Variants in PSMG2 observed in about 807,000 individuals in gnomAD.
PSMG2 encodes proteasome assembly chaperone 2, also known as CD40 ligand-activated specific transcript 3.
In PSMG2, 21 loss-of-function variants were observed where a neutral mutation model predicts 31.5. That is an observed-to-expected ratio of 0.67 (90% CI 0.47 to 0.96). PSMG2 has a LOEUF of 0.96. Among genes scored for constraint, PSMG2 ranks in the 40% least tolerant of loss-of-function variants. The probability of loss-of-function intolerance (pLI) is 0.00; values close to 1 mark genes in which losing one functional copy is unlikely to be tolerated. For synonymous variants in PSMG2, 120 were observed against 110.4 expected (o/e 1.09, Z -0.54); for missense variants, 318 against 321.2 (o/e 0.99, Z 0.08).
chr18:12,678,188 C>CA, intron 1 of PSMG2: 1 of 1,614,184 alleles, frequency 6.2e-7, no homozygotes, highest in Non-Finnish European at 8.5e-7. Context: ...TGTGGATGCA[C>CA]ACAGAGGTGG....
intron 1 of PSMG2, among the ~76,000 whole-genome samples, chr18:12,704,058 A>G (rs2040233799): frequency 6.6e-6 from 1 of 152,148 alleles, no homozygotes; most frequent in Non-Finnish European, 1.5e-5. Context: ...CATTACATAT[A>G]AAACACACAG....
At chr18:12,685,253 G>C (rs1158346400) in intron 1 of PSMG2, 3 of 152,034 alleles carry the variant, frequency 2.0e-5, no homozygotes, top group Non-Finnish European at 4.4e-5. Context: ...ACCCACCTCT[G>C]CCTCCCAAAG....
chr18:12,711,462 C>A (rs983217238), intron 2 of PSMG2, among the ~76,000 whole-genome samples: 22 of 152,148 alleles, frequency 1.4e-4, no homozygotes, highest in Non-Finnish European at 2.6e-4. Flanking sequence ...TTGCCTTAGT[C>A]TCTTTTCCCT....
At chr18:12,725,371 T>C in intron 6 of PSMG2, 68 bp from the exon 7 acceptor site, 2 of 1,263,046 alleles carry the variant, frequency 1.6e-6, no homozygotes, top group South Asian at 2.8e-5. Flanking sequence ...GAGAGTTTTA[T>C]AATTCACTTT....
chr18:12,678,343 C>A (rs958174060), intron 1 of PSMG2: 2 of 1,614,112 alleles, frequency 1.2e-6, no homozygotes, highest in East Asian at 4.5e-5. Context: ...CCAGGAACAT[C>A]TGATGGTTGA....
intron 1 of PSMG2, among the ~76,000 whole-genome samples, chr18:12,668,306 T>C (rs1323115132): frequency 6.6e-6 from 1 of 150,686 alleles, no homozygotes; most frequent in East Asian, 2.0e-4. Flanking sequence ...AAAAAGTGGA[T>C]GGAGGCTGGG....
upstream of PSMG2, chr18:12,698,738 T>G: frequency 2.0e-6 from 1 of 508,612 alleles, no homozygotes; most frequent in Non-Finnish European, 3.5e-6. Context: ...GGTATTTAAG[T>G]GTGTATTACT....
upstream of PSMG2, chr18:12,701,111 C>G (rs767476856): frequency 3.1e-6 from 5 of 1,608,280 alleles, no homozygotes; most frequent in Non-Finnish European, 4.2e-6. Flanking sequence ...CATGGACATC[C>G]ATCTATGTAG....
chr18:12,696,105 T>G (rs2039947266), intron 1 of PSMG2, among the ~76,000 whole-genome samples: 1 of 152,222 alleles, frequency 6.6e-6, no homozygotes, highest in African/African-American at 2.4e-5. Context: ...GGCCTATTTT[T>G]GAAGACAAAT....
chr18:12,722,605 TTA>T (rs1297364975), intron 5 of PSMG2, among the ~76,000 whole-genome samples: 2 of 152,170 alleles, frequency 1.3e-5, no homozygotes, highest in African/African-American at 4.8e-5. Context: ...ACAGAAAGTA[TTA>T]TAAAAGTTAG....
At chr18:12,662,970 C>A (rs539169052) in intron 1 of PSMG2, among the ~76,000 whole-genome samples, 3 of 152,080 alleles carry the variant, frequency 2.0e-5, no homozygotes, top group Non-Finnish European at 4.4e-5. Context: ...ACGTTCTGAT[C>A]TGAATATAAG....
At chr18:12,671,777 A>G (rs542241346) in intron 1 of PSMG2, among the ~76,000 whole-genome samples, 2 of 150,972 alleles carry the variant, frequency 1.3e-5, no homozygotes, top group Admixed American at 1.3e-4. Flanking sequence ...AGTAGCTTGG[A>G]TTATGGGTGT....
At chr18:12,695,818 A>G (rs2145091848) in intron 1 of PSMG2, among the ~76,000 whole-genome samples, 1 of 151,758 alleles carries the variant, frequency 6.6e-6, no homozygotes, top group South Asian at 2.1e-4. Flanking sequence ...ATTAAATTCA[A>G]AGTCAAAGCA....
At chr18:12,697,680 A>G (rs1005182304) in intron 1 of PSMG2, among the ~76,000 whole-genome samples, 1 of 152,210 alleles carries the variant, frequency 6.6e-6, no homozygotes, top group African/African-American at 2.4e-5. Flanking sequence ...TCTGTTCTTT[A>G]AAAGTACTTA....
intron 1 of PSMG2, among the ~76,000 whole-genome samples, chr18:12,680,224 A>T (rs1027410760): frequency 1.3e-5 from 2 of 152,176 alleles, no homozygotes; most frequent in African/African-American, 4.8e-5. Context: ...ATAATCACTG[A>T]AAAGGCTCTA....
Position 12,706,678 on chromosome 18 carries a change from G to A in PSMG2, c.186G>A (p.Ala62=), listed in dbSNP as rs757582605. ...CAATGGTTGGAAACAATCCATATGC[G>A]ACCACAGAAGGAAATTCAACAGAAC... ...LVPMVGNNPY[A]TTEGNSTELS... Residue 62 remains alanine, a synonymous_variant, in exon 2 of 7, where the codon GCG becomes GCA. Coordinates refer to ENST00000317615, the MANE Select transcript of PSMG2 (RefSeq NM_020232.5). 5.6e-6 allele frequency: 9 copies of A among 1,610,766 alleles called. No individual in the cohort carries two copies. Among genetic ancestry groups the A allele is most frequent in the African/African-American group, 2.7e-5 (2 of 74,860 alleles).
chr18:12,676,067 A>G (rs926180122), intron 1 of PSMG2, among the ~76,000 whole-genome samples: 1 of 152,110 alleles, frequency 6.6e-6, no homozygotes, highest in Admixed American at 6.6e-5. Flanking sequence ...AAAATTCTAG[A>G]TATTTTGATT....
At chr18:12,673,349 T>C (rs377347519) in intron 1 of PSMG2, 2 of 1,594,028 alleles carry the variant, frequency 1.3e-6, no homozygotes, top group Non-Finnish European at 1.7e-6. Context: ...GTATAAATCT[T>C]ATATAAATAT....
At chr18:12,705,601 G>GTA (rs2040260192) in intron 1 of PSMG2, among the ~76,000 whole-genome samples, 1 of 151,600 alleles carries the variant, frequency 6.6e-6, no homozygotes, top group Non-Finnish European at 1.5e-5. Flanking sequence ...GTGTGTGTGT[G>GTA]TGTTTAGTGT....
Sources: allele counts gnomAD v4.1 joint callset (sites outside exome capture counted in the v4.1 genomes callset), GRCh38; gene constraint gnomAD v4.1.1; transcripts MANE v1.5; gene names NCBI Gene and HGNC (gene_info 2026-07-23, HGNC 2026-07-21).